Variants in ASB14 observed in about 807,000 individuals in gnomAD.
ASB14 encodes the protein ankyrin repeat and SOCS box protein 14.
In ASB14, 63 loss-of-function variants were observed where a neutral mutation model predicts 55.6. The observed-to-expected ratio is 1.13, with a 90% confidence interval of 0.92 to 1.40. The LOEUF (loss-of-function observed/expected upper bound fraction) is 1.40, where lower values mean the gene tolerates loss of function less well. ASB14 is among the 40% of genes most tolerant of loss of function. The pLI is 0.00. For synonymous variants in ASB14, 256 were observed against 259.9 expected (o/e 0.98, Z 0.15); for missense variants, 724 against 710.4 (o/e 1.02, Z -0.22).
At chr3:57,287,059 G>A (rs2061086161) in intron 5 of ASB14, among the ~76,000 whole-genome samples, 1 of 152,110 alleles carries the variant, frequency 6.6e-6, no homozygotes, top group Admixed American at 6.5e-5. Flanking sequence ...TTTCTCTGAG[G>A]AAGTTAATGA....
chr3:57,277,771 G>A lies in ASB14; in HGVS notation c.1581C>T (p.Ile527=), dbSNP rs755061967. 3.7e-6 allele frequency: 6 copies of A among 1,604,768 alleles called. No individual in the cohort carries two copies. Among genetic ancestry groups the A allele is most frequent in the Non-Finnish European group, 5.1e-6 (6 of 1,177,148 alleles). The change falls in exon 9 of 11, where the codon ATC becomes ATT. Residue 527 remains isoleucine (I), a synonymous_variant. Transcript: ENST00000487349. ...TTCTATGAGAAGGATACTTACTTAA[G>A]ATAAAATGTATTTCTGACCAGATCC... ...KQGIWSEIHF[I]LTNPRSLKHL...
chr3:57,288,998 G>T (rs1333314827), intron 3 of ASB14, 70 bp downstream of exon 3: 3 of 1,227,106 alleles, frequency 2.4e-6, no homozygotes, highest in East Asian at 5.2e-5. Context: ...GATTACAGGC[G>T]TGAGCCACTG....
Position 57,269,356 on chromosome 3 carries a change from G to A in ASB14, c.*285C>T. 1 of 519,500 alleles carries A rather than the reference G, an allele frequency of 1.9e-6. No homozygotes were observed. Among genetic ancestry groups the A allele is most frequent in the East Asian group, 3.1e-5 (1 of 32,616 alleles). The allele number at this position is 519,500 out of a possible 1,614,324, so 32.2% of individuals were successfully genotyped here. A position where few individuals can be genotyped will look rare whatever the true frequency, so the allele number is the denominator to read the frequency against. ...TTAGTTTGAATGCTGGCTTTTATAG[G>A]ATGGTGCCAAAATTCATTTTGGTGT... is the stretch of plus-strand genomic sequence containing the variant. On this transcript the variant is annotated 3_prime_UTR_variant, in exon 11 of 11. Coordinates refer to ENST00000487349, the MANE Select transcript of ASB14 (RefSeq NM_001142733.3).
chr3:57,280,116 G>T (rs1337439879), intron 7 of ASB14, among the ~76,000 whole-genome samples, 186 bp downstream of exon 7: 1 of 123,418 alleles, frequency 8.1e-6, no homozygotes, highest in Non-Finnish European at 1.6e-5. Flanking sequence ...CTTGGCCAGG[G>T]TCTATGGTTC....
intron 10 of ASB14, among the ~76,000 whole-genome samples, chr3:57,274,333 G>C (rs763548664): frequency 1.7e-4 from 26 of 152,312 alleles, no homozygotes; most frequent in Non-Finnish European, 2.9e-4. Context: ...TGTGACACAA[G>C]TATGGTTGAA....
chr3:57,278,133 G>A (rs973049999), intron 8 of ASB14, among the ~76,000 whole-genome samples: 3 of 152,018 alleles, frequency 2.0e-5, no homozygotes, highest in South Asian at 2.1e-4. Context: ...CAGTTGCTTC[G>A]TTTATGAAAC....
At chr3:57,277,992 C>T (rs2061004085) in intron 8 of ASB14, 72 bp from the exon 9 acceptor site, 1 of 1,370,518 alleles carries the variant, frequency 7.3e-7, no homozygotes. Flanking sequence ...GCATAGTAGT[C>T]AAAGGAGATG....
chr3:57,290,670 T>C (rs2061121766), intron 2 of ASB14, among the ~76,000 whole-genome samples: 1 of 152,214 alleles, frequency 6.6e-6, no homozygotes, highest in Admixed American at 6.5e-5. Context: ...TCTAATCAAG[T>C]AAATGCATAA....
intron 7 of ASB14, among the ~76,000 whole-genome samples, chr3:57,279,664 C>T (rs2061022651): frequency 6.6e-6 from 1 of 151,980 alleles, no homozygotes; most frequent in African/African-American, 2.4e-5. Context: ...TGCCACTGCA[C>T]TCCAGCCTGG....
At chr3:57,284,088 C>CTATGTATGTGTGTG (rs1553640077) in intron 5 of ASB14, among the ~76,000 whole-genome samples, 1 of 41,368 alleles carries the variant, frequency 2.4e-5, no homozygotes, top group African/African-American at 6.7e-5. Context: ...CTTGGGAACA[C>CTATGTATGTGTGTG]TGTGTATGTG....
chr3:57,281,887 C>T lies in ASB14; in HGVS notation c.715+1307G>A, dbSNP rs1369665057. On this transcript the variant is annotated intron_variant, in intron 6 of 10. Transcript: ENST00000487349. ...TCAGATGAACCTTGAAATACTGGCT[C>T]TGTGATGTACCATCTGTGTCACTTG... Among the ~76,000 whole-genome samples the T allele has an allele frequency of 2.6e-5, 4 of 152,148 alleles. No homozygotes were observed. In the South Asian group the frequency reaches 8.3e-4, roughly 32 times the overall value.
Position 57,276,670 on chromosome 3 carries a change from CCGTCCCAT to C in ASB14, c.1636_1643del (p.Met546ValfsTer45). On this transcript the variant is annotated frameshift_variant, in exon 10 of 11. Transcript: ENST00000487349. LOFTEE classifies it high-confidence loss of function. ...TGAAGACAGGGCAGCGCAAATGTAA[CCGTCCCAT>C]GCATTTCCGGATCTTTAGGCGGCAC... The C allele has an allele frequency of 2.5e-6, 4 of 1,613,986 alleles. No individual in the cohort carries two copies. Among genetic ancestry groups the C allele is most frequent in the Non-Finnish European group, 3.4e-6 (4 of 1,179,940 alleles).
At chr3:57,282,036 A>G (rs2061044420) in intron 6 of ASB14, among the ~76,000 whole-genome samples, 2 of 152,324 alleles carry the variant, frequency 1.3e-5, no homozygotes, top group South Asian at 4.1e-4. Context: ...ATTTTAATCA[A>G]TGATCTATAC....
At chr3:57,284,094 A>G (rs115320064) in intron 5 of ASB14, among the ~76,000 whole-genome samples, 4,335 of 136,502 alleles carry the variant, frequency 0.032, 208 homozygotes, top group African/African-American at 0.1. Flanking sequence ...AACACTGTGT[A>G]TGTGTGTGTG....
At chr3:57,283,135 G>A in intron 6 of ASB14, 59 bp downstream of exon 6, 1 of 1,532,482 alleles carries the variant, frequency 6.5e-7, no homozygotes, top group Non-Finnish European at 8.8e-7. Context: ...TCCATTAAGA[G>A]GAGAACCCCT....
chr3:57,281,280 G>A (rs763167426), intron 6 of ASB14, among the ~76,000 whole-genome samples: 20 of 151,850 alleles, frequency 1.3e-4, no homozygotes, highest in Admixed American at 4.6e-4. Flanking sequence ...TGAGTGATGT[G>A]AATAATAAGA....
At chr3:57,276,756 G>C (rs762982249) in intron 9 of ASB14, 28 bp from the exon 10 acceptor site, 3 of 1,575,152 alleles carry the variant, frequency 1.9e-6, no homozygotes, top group Non-Finnish European at 2.6e-6. Context: ...ATTATCCAAA[G>C]AGAAAAAGAA....
At position 57,268,451 on chromosome 3, in the gene ASB14, A is replaced by G. The variant is rs752305637; in HGVS notation, c.*1190T>C. On this transcript the variant is annotated 3_prime_UTR_variant, in exon 11 of 11. Transcript: ENST00000487349. Reference sequence around the variant, plus strand: ...AAATAGAGAGAGTAAAAGAGAAGCAACAGAAAGAACTCAATAAACAAAAAC... The same window carrying G: ...AAATAGAGAGAGTAAAAGAGAAGCAGCAGAAAGAACTCAATAAACAAAAAC... 3.1e-6 allele frequency: 5 copies of G among 1,605,364 alleles called. No homozygotes were observed. The highest frequency in any genetic ancestry group is 1.1e-5 in the South Asian group (1 of 90,336).
At chr3:57,289,172 CTG>C (rs1478179798) in intron 2 of ASB14, 49 bp from the exon 3 acceptor site, 16 of 1,253,104 alleles carry the variant, frequency 1.3e-5, no homozygotes, top group East Asian at 2.5e-5. Flanking sequence ...GGAGAAAAAA[CTG>C]TTATCTGATA....
Sources: gnomAD v4.1 joint callset for allele counts (sites outside exome capture counted in the v4.1 genomes callset) on GRCh38, gnomAD v4.1.1 for gene constraint, MANE v1.5 for transcripts, NCBI Gene and HGNC (gene_info 2026-07-23, HGNC 2026-07-21) for gene names.